The following CSMD1 variants were observed in gnomAD, a reference collection of about 807,000 sequenced individuals.
CSMD1 encodes CUB and sushi domain-containing protein 1.
CSMD1 carries 213 observed loss-of-function variants against 417.5 expected under a neutral mutation model. The ratio of observed to expected loss-of-function variants is 0.51; its 90% CI spans 0.46 to 0.57. The LOEUF (loss-of-function observed/expected upper bound fraction) is 0.57. Among genes scored for constraint, CSMD1 ranks in the 20% least tolerant of loss-of-function variants. The pLI is 0.00. For missense variants in CSMD1, 6,923 were observed against 4,529.7 expected (o/e 1.53, Z -15.17); for synonymous variants, 2,862 against 1,736.8 (o/e 1.65, Z -16.11).
intron 1 of CSMD1, among the ~76,000 whole-genome samples, chr8:4,821,203 T>C (rs969918061): frequency 1.3e-5 from 2 of 152,278 alleles, no homozygotes; most frequent in African/African-American, 2.4e-5. Flanking sequence ...TCAGGTCACG[T>C]CATGGAAGGA....
At chr8:3,708,895 A>C (rs538234702) in intron 6 of CSMD1, among the ~76,000 whole-genome samples, 1 of 152,148 alleles carries the variant, frequency 6.6e-6, no homozygotes, top group African/African-American at 2.4e-5. Context: ...AAAAGTTTAG[A>C]TAAAAAGGCC....
intron 3 of CSMD1, among the ~76,000 whole-genome samples, chr8:4,357,541 G>T (rs147501155): frequency 1.3e-5 from 2 of 151,936 alleles, no homozygotes; most frequent in Non-Finnish European, 2.9e-5. Context: ...AGTTGGAAAT[G>T]CACAGTTGGA....
chr8:4,966,376 T>A (rs1454009613), intron 1 of CSMD1, among the ~76,000 whole-genome samples: 1 of 152,022 alleles, frequency 6.6e-6, no homozygotes, highest in Non-Finnish European at 1.5e-5. Flanking sequence ...TGAAACTCCA[T>A]CTCAAACAAA....
intron 8 of CSMD1, among the ~76,000 whole-genome samples, chr8:3,596,603 G>A (rs779692756): frequency 5.3e-5 from 8 of 151,786 alleles, no homozygotes; most frequent in Non-Finnish European, 1.0e-4. Context: ...ATTTCCTCCC[G>A]GGCTTATATC....
intron 12 of CSMD1, among the ~76,000 whole-genome samples, chr8:3,435,649 C>T (rs1429083400): frequency 6.6e-6 from 1 of 152,172 alleles, no homozygotes; most frequent in Non-Finnish European, 1.5e-5. Context: ...GGCAACTCCT[C>T]TCACCTGCAC....
At chr8:4,462,085 G>A (rs1585117235) in intron 2 of CSMD1, among the ~76,000 whole-genome samples, 2 of 151,352 alleles carry the variant, frequency 1.3e-5, no homozygotes, top group East Asian at 2.0e-4. Flanking sequence ...GTGTTGCACA[G>A]GCTGGTCTCA....
rs142665457 is a variant in CSMD1 at position 3,893,493 on chromosome 8, A to T, written c.818+104410T>A. Reference sequence around the variant, plus strand: ...GATAAAGCAAAAGCAAAACCAGAACATTTATTACAATTTTTGTTTTACAAA... The same window carrying T: ...GATAAAGCAAAAGCAAAACCAGAACTTTTATTACAATTTTTGTTTTACAAA... On this transcript the variant is annotated intron_variant, in intron 5 of 69. Transcript: ENST00000635120. 4.0e-3 allele frequency among the ~76,000 whole-genome samples: 607 copies of T among 151,796 alleles called. 3 individuals carry two copies. The highest frequency in any genetic ancestry group is 0.014 in the African/African-American group (582 of 41,452).
chr8:3,815,984 G>T (rs896049153), intron 5 of CSMD1, among the ~76,000 whole-genome samples: 3 of 152,140 alleles, frequency 2.0e-5, no homozygotes, highest in African/African-American at 7.2e-5. Flanking sequence ...CTTGATGAAA[G>T]CATTACAACA....
chr8:4,946,772 C>T (rs1585385452), intron 1 of CSMD1, among the ~76,000 whole-genome samples: 4 of 152,174 alleles, frequency 2.6e-5, no homozygotes, highest in Admixed American at 2.6e-4. Context: ...ACCAATGTTA[C>T]TGGCTTCACT....
chr8:4,700,530 G>C (rs997088254), intron 1 of CSMD1, among the ~76,000 whole-genome samples: 6 of 152,050 alleles, frequency 3.9e-5, no homozygotes, highest in African/African-American at 1.4e-4. Flanking sequence ...GTCTAATAGA[G>C]AGACAAGATA....
intron 2 of CSMD1, among the ~76,000 whole-genome samples, chr8:4,616,517 C>T (rs1183868191): frequency 6.6e-6 from 1 of 152,180 alleles, no homozygotes; most frequent in Non-Finnish European, 1.5e-5. Flanking sequence ...ACACCAAATA[C>T]AAAGACTTTC....
intron 16 of CSMD1, among the ~76,000 whole-genome samples, chr8:3,397,235 C>G (rs570854640): frequency 6.6e-6 from 1 of 152,276 alleles, no homozygotes; most frequent in African/African-American, 2.4e-5. Flanking sequence ...GACTCTGACT[C>G]ACTCAGTCAC....
In CSMD1 at chr8:4,994,715, A is replaced by G. The variant is rs965183759; in HGVS notation, c.-299T>C. 3.0e-6 allele frequency: 1 copy of G among 333,664 alleles called. No individual in the cohort carries two copies. The highest frequency in any genetic ancestry group is 5.5e-6 in the Non-Finnish European group (1 of 182,970). The allele number at this position is 333,664 out of a possible 1,614,324, so 20.7% of individuals were successfully genotyped here. ...CGGGCAGGAAGGCACCAAGGCGGCG[A>G]GGCTGCGGGAGGGGGAGAAGCGGGG... On this transcript the variant is annotated 5_prime_UTR_variant, in exon 1 of 70. Coordinates refer to ENST00000635120, the MANE Select transcript of CSMD1 (RefSeq NM_033225.6).
At chr8:4,767,047 G>A (rs1217633957) in intron 1 of CSMD1, among the ~76,000 whole-genome samples, 9 of 152,010 alleles carry the variant, frequency 5.9e-5, no homozygotes, top group Non-Finnish European at 1.0e-4. Flanking sequence ...ATACCTTTCA[G>A]GAAATACTGC....
At chr8:3,817,648 A>C (rs117591733) in intron 5 of CSMD1, among the ~76,000 whole-genome samples, 1 of 152,034 alleles carries the variant, frequency 6.6e-6, no homozygotes, top group East Asian at 1.9e-4. Flanking sequence ...AAACACTCCC[A>C]TGTTAAAAAC....
chr8:4,177,188 C>A (rs988807645), intron 3 of CSMD1, among the ~76,000 whole-genome samples: 12 of 152,156 alleles, frequency 7.9e-5, no homozygotes, highest in Admixed American at 2.0e-4. Flanking sequence ...AAGTAAAGCT[C>A]TCCTCAGCAA....
At chr8:3,998,641 G>A (rs748553844) in intron 4 of CSMD1, among the ~76,000 whole-genome samples, 3 of 152,114 alleles carry the variant, frequency 2.0e-5, no homozygotes, top group Non-Finnish European at 4.4e-5. Context: ...TCATAAAAAG[G>A]TTCTGAGTAG....
intron 6 of CSMD1, among the ~76,000 whole-genome samples, chr8:3,727,742 G>A (rs1186156370): frequency 6.6e-6 from 1 of 152,178 alleles, no homozygotes; most frequent in Non-Finnish European, 1.5e-5. Flanking sequence ...AATGGATAAA[G>A]ATAATGTGAT....
intron 5 of CSMD1, among the ~76,000 whole-genome samples, chr8:3,868,721 C>G (rs1263735650): frequency 6.6e-6 from 1 of 152,178 alleles, no homozygotes; most frequent in East Asian, 1.9e-4. Context: ...CTTGGGGGCA[C>G]TCCTGACCCT....
Sources: gnomAD v4.1 joint callset for allele counts (sites outside exome capture counted in the v4.1 genomes callset) on GRCh38, gnomAD v4.1.1 for gene constraint, MANE v1.5 for transcripts, NCBI Gene and HGNC (gene_info 2026-07-23, HGNC 2026-07-21) for gene names.